The following HDAC9 variants were observed in gnomAD, a reference collection of about 807,000 sequenced individuals.
HDAC9 encodes histone deacetylase 9, also known as MEF-2 interacting transcription repressor (MITR) protein.
In HDAC9, 41 loss-of-function variants were observed where a neutral mutation model predicts 139.4. The observed-to-expected ratio is 0.29, with a 90% confidence interval of 0.23 to 0.38. HDAC9 has a LOEUF of 0.38. Ranked by LOEUF, HDAC9 falls within the 10% of genes least tolerant of loss-of-function variation. The pLI is 1.00. For synonymous variants in HDAC9, 517 were observed against 476.2 expected (o/e 1.09, Z -1.12); for missense variants, 1,147 against 1,297.0 (o/e 0.88, Z 1.78).
At chr7:18,851,279 G>A (rs751610613) in intron 21 of HDAC9, 28 of 152,216 alleles carry the variant, frequency 1.8e-4, no homozygotes, top group Non-Finnish European at 3.5e-4. Context: ...GGAGGGACCT[G>A]GTGGGAGGTG....
At chr7:18,384,324 G>T (rs550454270) in intron 1 of HDAC9, among the ~76,000 whole-genome samples, 2 of 151,700 alleles carry the variant, frequency 1.3e-5, no homozygotes, top group Non-Finnish European at 2.9e-5. Context: ...AAAAAAATGC[G>T]TACACTCAAA....
chr7:18,117,632 A>C (rs1342694280), intron 1 of HDAC9, among the ~76,000 whole-genome samples: 2 of 152,190 alleles, frequency 1.3e-5, no homozygotes, highest in Non-Finnish European at 2.9e-5. Context: ...GCACCCACTG[A>C]AGAATGCTAA....
intron 1 of HDAC9, among the ~76,000 whole-genome samples, chr7:18,422,258 T>C (rs1271249851): frequency 6.6e-6 from 1 of 152,140 alleles, no homozygotes; most frequent in Non-Finnish European, 1.5e-5. Context: ...TTTCCCCTTA[T>C]TTTGTTGCTT....
At chr7:18,902,699 T>C (rs1396761467) in intron 22 of HDAC9, among the ~76,000 whole-genome samples, 12 of 152,332 alleles carry the variant, frequency 7.9e-5, no homozygotes, top group Non-Finnish European at 1.5e-5. Flanking sequence ...TCTTGTTGGA[T>C]TTCCTAAAAT....
intron 6 of HDAC9, among the ~76,000 whole-genome samples, chr7:18,599,275 G>GT (rs1350004098): frequency 1.3e-5 from 2 of 152,128 alleles, no homozygotes; most frequent in Non-Finnish European, 2.9e-5. Context: ...TGGTACATTT[G>GT]TTGCAATTAA....
At chr7:18,673,803 A>T (rs1355515972) in intron 12 of HDAC9, among the ~76,000 whole-genome samples, 4 of 152,014 alleles carry the variant, frequency 2.6e-5, no homozygotes, top group Admixed American at 6.6e-5. Context: ...CTCTTAATTA[A>T]CATAGAGGCA....
chr7:18,676,970 AT>A (rs910353704), intron 12 of HDAC9, among the ~76,000 whole-genome samples: 1 of 151,856 alleles, frequency 6.6e-6, no homozygotes, highest in Admixed American at 6.6e-5. Flanking sequence ...AATCTTAGTG[AT>A]TTTTAGTCTA....
At chr7:18,113,490 A>T (rs1314215425) in intron 1 of HDAC9, among the ~76,000 whole-genome samples, 1 of 152,250 alleles carries the variant, frequency 6.6e-6, no homozygotes, top group Non-Finnish European at 1.5e-5. Flanking sequence ...ATGATCAGAA[A>T]TGGGATATAA....
chr7:18,976,093 C>A, intron 25 of HDAC9, 140 bp downstream of exon 25: 1 of 763,478 alleles, frequency 1.3e-6, no homozygotes, highest in Non-Finnish European at 2.1e-6. Flanking sequence ...ACAGATGCCA[C>A]AGCACATGCT....
At chr7:18,552,463 A>G (rs150012289) in intron 2 of HDAC9, among the ~76,000 whole-genome samples, 178 of 152,298 alleles carry the variant, frequency 1.2e-3, no homozygotes, top group South Asian at 1.5e-3. Context: ...CTAGAAGCCT[A>G]ATGAAATGGA....
intron 22 of HDAC9, among the ~76,000 whole-genome samples, chr7:18,885,835 T>G (rs970173649): frequency 1.5e-4 from 23 of 152,206 alleles, no homozygotes; most frequent in African/African-American, 5.5e-4. Flanking sequence ...CAGACCATGT[T>G]TCCTATTTCT....
At chr7:18,239,898 G>A (rs1465668361) in intron 2 of HDAC9, among the ~76,000 whole-genome samples, 2 of 150,828 alleles carry the variant, frequency 1.3e-5, no homozygotes, top group East Asian at 2.0e-4. Context: ...AAGAGGTGAC[G>A]TATTTAAAAG....
At position 18,209,284 on chromosome 7, in the gene HDAC9, G is replaced by A. The variant is rs533287056; in HGVS notation, c.25+46935G>A. 2.6e-5 allele frequency among the ~76,000 whole-genome samples: 4 copies of A among 152,240 alleles called. No homozygotes were observed. The East Asian group carries it at 5.8e-4, about 22-fold the overall frequency. On this transcript the variant is annotated intron_variant, in intron 2 of 12. Transcript: ENST00000417496. The stretch of plus-strand genomic sequence containing the variant: ...TTACTTTCCATAATAAACCCATGAG[G>A]TAAATACTTTATGGTCCCCATTTAA...
chr7:18,847,425 A>G (rs1161217168), intron 21 of HDAC9, among the ~76,000 whole-genome samples: 1 of 152,124 alleles, frequency 6.6e-6, no homozygotes, highest in East Asian at 1.9e-4. Flanking sequence ...CTGAAAAAAA[A>G]GAGTACAACA....
intron 1 of HDAC9, among the ~76,000 whole-genome samples, chr7:18,410,059 A>G (rs1788398170): frequency 6.6e-6 from 1 of 151,976 alleles, no homozygotes; most frequent in Non-Finnish European, 1.5e-5. Context: ...TCTTAGTATC[A>G]TCATAATCTT....
intron 16 of HDAC9, among the ~76,000 whole-genome samples, chr7:18,788,402 C>G (rs975837558): frequency 6.6e-6 from 1 of 152,122 alleles, no homozygotes; most frequent in Admixed American, 6.5e-5. Context: ...GTTTTTCATA[C>G]CACTCTGCAG....
At chr7:18,499,891 C>G (rs1393335768) in intron 2 of HDAC9, among the ~76,000 whole-genome samples, 1 of 152,064 alleles carries the variant, frequency 6.6e-6, no homozygotes, top group Non-Finnish European at 1.5e-5. Flanking sequence ...ATTTTAGATT[C>G]AGTAGTCACG....
intron 1 of HDAC9, among the ~76,000 whole-genome samples, chr7:18,114,769 G>A (rs1783853803): frequency 6.6e-6 from 1 of 152,204 alleles, no homozygotes; most frequent in African/African-American, 2.4e-5. Context: ...CTGAGAATCT[G>A]CCTGATAATA....
At chr7:18,587,264 G>A (rs1829735209) in intron 3 of HDAC9, among the ~76,000 whole-genome samples, 1 of 151,976 alleles carries the variant, frequency 6.6e-6, no homozygotes, top group Non-Finnish European at 1.5e-5. Context: ...CAATAGTGTT[G>A]GTTTATTGAC....
Sources: allele counts gnomAD v4.1 joint callset (sites outside exome capture counted in the v4.1 genomes callset), GRCh38; gene constraint gnomAD v4.1.1; transcripts MANE v1.5; gene names NCBI Gene and HGNC (gene_info 2026-07-23, HGNC 2026-07-21).